TRPC7: variants seen among roughly 807,000 people sequenced by gnomAD.
TRPC7 encodes the protein transient receptor potential cation channel subfamily C member 7.
In TRPC7, 42 loss-of-function variants were observed where a neutral mutation model predicts 90.1. The observed-to-expected ratio is 0.47, with a 90% CI of 0.36 to 0.60. The LOEUF is 0.60. Among genes scored for constraint, TRPC7 ranks in the 20% least tolerant of loss-of-function variants. The pLI is 0.00. For missense variants in TRPC7, 955 were observed against 1,112.3 expected (o/e 0.86, Z 2.01); for synonymous variants, 451 against 436.3 (o/e 1.03, Z -0.42).
intron 1 of TRPC7, among the ~76,000 whole-genome samples, chr5:136,360,772 C>A (rs369111515): frequency 6.6e-6 from 1 of 152,050 alleles, no homozygotes; most frequent in Non-Finnish European, 1.5e-5. Flanking sequence ...GCTTCCAATG[C>A]GAGGGGCTTC....
At chr5:136,215,003 G>A (rs1755217818) in intron 11 of TRPC7, among the ~76,000 whole-genome samples, 2 of 152,182 alleles carry the variant, frequency 1.3e-5, no homozygotes, top group African/African-American at 4.8e-5. Context: ...GTATATCAGA[G>A]ACCCTTGGTG....
chr5:136,304,904 T>C (rs1758553376), intron 3 of TRPC7, among the ~76,000 whole-genome samples: 2 of 152,254 alleles, frequency 1.3e-5, no homozygotes, highest in Admixed American at 6.5e-5. Context: ...CTGTAGCCTT[T>C]CTGTCCAAAC....
chr5:136,313,900 A>G (rs1449557337), intron 3 of TRPC7, among the ~76,000 whole-genome samples: 2 of 152,116 alleles, frequency 1.3e-5, no homozygotes, highest in Non-Finnish European at 2.9e-5. Context: ...CTTCCTTCTC[A>G]TTCATCCCCA....
chr5:136,301,733 ACT>A (rs1383217057), intron 3 of TRPC7, among the ~76,000 whole-genome samples: 12 of 151,938 alleles, frequency 7.9e-5, no homozygotes, highest in Non-Finnish European at 1.5e-4. Context: ...CCCTTCACTG[ACT>A]CTCTTTTCGG....
rs377728696 is a variant in TRPC7, at chr5:136,356,591, C to T, written c.780+17G>A. 6.6e-7 allele frequency: 1 copy of T among 1,519,938 alleles called. No homozygotes were observed. The highest frequency in any genetic ancestry group is 8.8e-7 in the Non-Finnish European group (1 of 1,133,472). The allele number at this position is 1,519,938 out of a possible 1,614,324, so 94.2% of individuals were successfully genotyped here. On this transcript the variant is annotated intron_variant, in intron 2 of 11. Transcript: ENST00000513104. Reference sequence around the variant, plus strand: ...CCCTGGGCAACCTGCCTGCAGGGTGCTAAGTGGAAGAGTTACCTTAAATTC... The same window carrying T: ...CCCTGGGCAACCTGCCTGCAGGGTGTTAAGTGGAAGAGTTACCTTAAATTC...
chr5:136,310,523 C>T (rs1024873613), intron 3 of TRPC7, among the ~76,000 whole-genome samples: 5 of 152,068 alleles, frequency 3.3e-5, no homozygotes, highest in Admixed American at 3.3e-4. Flanking sequence ...AAAGTCACCT[C>T]AACATTTCAG....
chr5:136,318,666 C>A (rs987193189), intron 2 of TRPC7, among the ~76,000 whole-genome samples: 2 of 152,148 alleles, frequency 1.3e-5, no homozygotes, highest in Non-Finnish European at 1.5e-5. Context: ...TCAAACTCAG[C>A]CATTGACTCT....
chr5:136,281,555 G>C (rs770925365), intron 3 of TRPC7, among the ~76,000 whole-genome samples: 1 of 152,178 alleles, frequency 6.6e-6, no homozygotes, highest in Non-Finnish European at 1.5e-5. Flanking sequence ...TTACCAAGTT[G>C]GTTCTGCAAC....
At chr5:136,244,300 A>G (rs933006876) in intron 7 of TRPC7, among the ~76,000 whole-genome samples, 1 of 151,812 alleles carries the variant, frequency 6.6e-6, no homozygotes. Flanking sequence ...CAGTGTTGGG[A>G]TTATAGACAT....
intron 3 of TRPC7, among the ~76,000 whole-genome samples, chr5:136,287,725 A>AAAAAAAAC (rs1561702560): frequency 6.1e-5 from 8 of 131,942 alleles, no homozygotes; most frequent in African/African-American, 2.1e-4. Context: ...AAAAAAAAAA[A>AAAAAAAAC]AAAACCCAGA....
At chr5:136,273,566 G>T (rs1340833236) in intron 4 of TRPC7, among the ~76,000 whole-genome samples, 1 of 152,152 alleles carries the variant, frequency 6.6e-6, no homozygotes, top group Non-Finnish European at 1.5e-5. Flanking sequence ...GTCTGGTTAG[G>T]TGGCCTCACC....
Position 136,213,299 on chromosome 5 carries a change from CA to C in TRPC7, c.*135del. On this transcript the variant is annotated 3_prime_UTR_variant, in exon 12 of 12. Coordinates refer to ENST00000513104, the MANE Select transcript of TRPC7 (RefSeq NM_020389.3). ...CGGGCTGGAGATGTCAGTCATGCTG[CA>C]AGAGACTGAGCCAGGAGATCCCCTT... 1.1e-6 allele frequency: 1 copy of C among 880,776 alleles called. No individual in the cohort carries two copies. Among genetic ancestry groups the C allele is most frequent in the South Asian group, 1.8e-5 (1 of 56,466 alleles). The allele number at this position is 880,776 out of a possible 1,614,324, so 54.6% of individuals were successfully genotyped here. A position where few individuals can be genotyped will look rare whatever the true frequency, so the allele number is the denominator to read the frequency against.
In TRPC7 at chr5:136,219,506, CTG is replaced by C. The variant is rs60332588; in HGVS notation, c.2344-3233_2344-3232del. Among the ~76,000 whole-genome samples, 525 of 152,278 alleles carry C rather than the reference CTG, an allele frequency of 3.4e-3. 2 individuals are homozygous for C. The highest frequency in any genetic ancestry group is 0.012 in the African/African-American group (506 of 41,558). On this transcript the variant is annotated intron_variant, in intron 10 of 11. Coordinates refer to ENST00000513104, the MANE Select transcript of TRPC7 (RefSeq NM_020389.3). ...TCCTGCCAGGCACAGTGGCTCATGC[CTG>C]TAATCCTAGCACTTTGGGATGCTGA...
chr5:136,348,688 G>T (rs370645300), intron 2 of TRPC7, among the ~76,000 whole-genome samples: 2 of 152,260 alleles, frequency 1.3e-5, no homozygotes. Context: ...GGAATTTTCA[G>T]ATGGCTCTGT....
At chr5:136,290,694 G>A (rs1757911607) in intron 3 of TRPC7, among the ~76,000 whole-genome samples, 1 of 152,184 alleles carries the variant, frequency 6.6e-6, no homozygotes, top group Non-Finnish European at 1.5e-5. Flanking sequence ...CGGGGAGAAT[G>A]GAACCAAGTT....
At chr5:136,300,488 C>T (rs1758339778) in intron 3 of TRPC7, among the ~76,000 whole-genome samples, 1 of 152,248 alleles carries the variant, frequency 6.6e-6, no homozygotes, top group Admixed American at 6.5e-5. Context: ...ATCTCTAATA[C>T]AACCAGGCTT....
In TRPC7 at chr5:136,213,003, T is replaced by C. The variant is rs1755139950; in HGVS notation, c.*432A>G. ...ACCTCCTGGTTCTGTTTGGATGTGT[T>C]GGGGGTGGCAGGGAGGGAGTGAGAA... On this transcript the variant is annotated 3_prime_UTR_variant, in exon 12 of 12. Coordinates refer to ENST00000513104, the MANE Select transcript of TRPC7 (RefSeq NM_020389.3). 6.6e-6 allele frequency among the ~76,000 whole-genome samples: 1 copy of C among 152,102 alleles called. No individual in the cohort carries two copies. Among genetic ancestry groups the C allele is most frequent in the Non-Finnish European group, 1.5e-5 (1 of 68,008 alleles).
At chr5:136,292,520 A>G (rs903055662) in intron 3 of TRPC7, among the ~76,000 whole-genome samples, 1 of 152,256 alleles carries the variant, frequency 6.6e-6, no homozygotes, top group Non-Finnish European at 1.5e-5. Context: ...AAACACCTCT[A>G]TGCAAATAAA....
intron 6 of TRPC7, among the ~76,000 whole-genome samples, chr5:136,249,538 C>A (rs894547389): frequency 2.6e-5 from 4 of 152,130 alleles, no homozygotes; most frequent in African/African-American, 9.7e-5. Flanking sequence ...AAAAGGAATT[C>A]TTTTTTTCTG....
Sources: gnomAD v4.1 joint callset for allele counts (sites outside exome capture counted in the v4.1 genomes callset) on GRCh38, gnomAD v4.1.1 for gene constraint, MANE v1.5 for transcripts, NCBI Gene and HGNC (gene_info 2026-07-23, HGNC 2026-07-21) for gene names.